The following ENTREP1 variants were observed in gnomAD, a reference collection of about 807,000 sequenced individuals.
ENTREP1 encodes the protein Friedreich ataxia region gene X123.
At chr9:69,355,053 A>T in the ENTREP1 span, among the ~76,000 whole-genome samples, 1 of 152,336 alleles carries the variant, frequency 6.6e-6, no homozygotes, top group African/African-American at 2.4e-5. Context: ...TTAAAAAAAA[A>T]TCCAGGATGT....
At chr9:69,365,863 CT>C in the ENTREP1 span, among the ~76,000 whole-genome samples, 1 of 152,120 alleles carries the variant, frequency 6.6e-6, no homozygotes, top group Non-Finnish European at 1.5e-5. Flanking sequence ...GGATTTCATT[CT>C]TTTTTATGGC....
the ENTREP1 span, chr9:69,325,726 G>C: frequency 8.1e-7 from 1 of 1,227,876 alleles, no homozygotes; most frequent in Non-Finnish European, 1.0e-6. Context: ...GCTCCTCGGT[G>C]AGTACCGCGC....
At chr9:69,346,786 A>G in the ENTREP1 span, among the ~76,000 whole-genome samples, 1 of 152,240 alleles carries the variant, frequency 6.6e-6, no homozygotes, top group African/African-American at 2.4e-5. Flanking sequence ...CAGGACTTGC[A>G]AAGCTGCTGG....
At chr9:69,359,203 G>A in the ENTREP1 span, among the ~76,000 whole-genome samples, 1 of 152,096 alleles carries the variant, frequency 6.6e-6, no homozygotes, top group Non-Finnish European at 1.5e-5. Context: ...ACTGCACCCA[G>A]CCAAAGCCTT....
chr9:69,379,372 C>A, the ENTREP1 span, among the ~76,000 whole-genome samples: 3 of 152,180 alleles, frequency 2.0e-5, no homozygotes, highest in African/African-American at 7.2e-5. Context: ...CAGGCAGGGG[C>A]AGAGATGACT....
the ENTREP1 span, among the ~76,000 whole-genome samples, chr9:69,354,729 AGTG>A: frequency 2.0e-5 from 3 of 152,206 alleles, no homozygotes; most frequent in African/African-American, 4.8e-5. Flanking sequence ...ACACTTCACC[AGTG>A]GTGGTAGGTA....
At chr9:69,360,251 T>C in the ENTREP1 span, among the ~76,000 whole-genome samples, 1 of 152,168 alleles carries the variant, frequency 6.6e-6, no homozygotes. Context: ...AAATTTTCAG[T>C]TCCTTGTCCC....
At chr9:69,331,896 T>G in the ENTREP1 span, among the ~76,000 whole-genome samples, 1 of 152,190 alleles carries the variant, frequency 6.6e-6, no homozygotes, top group African/African-American at 2.4e-5. Flanking sequence ...AAGGACATTG[T>G]TAAGGGACCT....
At chr9:69,333,823 C>T in the ENTREP1 span, among the ~76,000 whole-genome samples, 2 of 152,166 alleles carry the variant, frequency 1.3e-5, no homozygotes, top group Admixed American at 1.3e-4. Flanking sequence ...CCAGTAGGCA[C>T]CGGAGTGGGC....
chr9:69,376,569 C>T, the ENTREP1 span, among the ~76,000 whole-genome samples: 1 of 152,180 alleles, frequency 6.6e-6, no homozygotes, highest in Admixed American at 6.5e-5. Flanking sequence ...GAGTCCACTT[C>T]TGCCGGTTTT....
At chr9:69,325,923 C>G in the ENTREP1 span, among the ~76,000 whole-genome samples, 2 of 152,146 alleles carry the variant, frequency 1.3e-5, no homozygotes, top group Admixed American at 1.3e-4. Flanking sequence ...TGGGTAGTGT[C>G]TGTTGCGCGC....
the ENTREP1 span, among the ~76,000 whole-genome samples, chr9:69,355,039 C>T: frequency 5.3e-5 from 8 of 151,836 alleles, no homozygotes; most frequent in South Asian, 4.2e-4. Context: ...CATGCAGCCT[C>T]GCTTTAAAAA....
the ENTREP1 span, chr9:69,391,714 G>A: frequency 1.7e-5 from 28 of 1,613,962 alleles, no homozygotes; most frequent in Admixed American, 8.3e-5. Context: ...TCACACCAGC[G>A]GGGAGGCCCC....
At chr9:69,392,439 CAT>C in the ENTREP1 span, 1 of 153,124 alleles carries the variant, frequency 6.5e-6, no homozygotes, top group South Asian at 2.1e-4. Flanking sequence ...TGAGAATAAA[CAT>C]GTTTACTTTG....
the ENTREP1 span, chr9:69,377,448 C>T: frequency 6.2e-7 from 1 of 1,613,980 alleles, no homozygotes; most frequent in Non-Finnish European, 8.5e-7. Flanking sequence ...CCGCTACCTC[C>T]AGATATTCGC....
the ENTREP1 span, among the ~76,000 whole-genome samples, chr9:69,347,334 A>G: frequency 6.6e-6 from 1 of 152,208 alleles, no homozygotes; most frequent in Non-Finnish European, 1.5e-5. Context: ...AACACTTGCC[A>G]AGTCCCAACA....
chr9:69,371,573 G>A, the ENTREP1 span: 2 of 1,613,602 alleles, frequency 1.2e-6, no homozygotes, highest in Non-Finnish European at 1.7e-6. Flanking sequence ...GCTGCCAAGG[G>A]GCCCAGTTTG....
chr9:69,342,080 T>A, the ENTREP1 span, among the ~76,000 whole-genome samples: 1 of 152,220 alleles, frequency 6.6e-6, no homozygotes, highest in Non-Finnish European at 1.5e-5. Context: ...GCTCCCTGTA[T>A]ATAAACTGAA....
chr9:69,340,655 G>GTGTGTGTGCA, the ENTREP1 span, among the ~76,000 whole-genome samples: 2,761 of 110,626 alleles, frequency 0.025, 101 homozygotes, highest in African/African-American at 0.078. Context: ...GTGTGTGCAT[G>GTGTGTGTGCA]TGTGTGTGTG....
Sources: allele counts gnomAD v4.1 joint callset (sites outside exome capture counted in the v4.1 genomes callset), GRCh38; gene constraint gnomAD v4.1.1; transcripts MANE v1.5; gene names NCBI Gene and HGNC (gene_info 2026-07-23, HGNC 2026-07-21).